ANKS1B: variants seen among roughly 807,000 people sequenced by gnomAD.
The protein encoded by ANKS1B is ankyrin repeat and sterile alpha motif domain-containing protein 1B.
In ANKS1B, 36 loss-of-function variants were observed where a neutral mutation model predicts 148.3. The observed-to-expected ratio is 0.24, with a 90% CI of 0.19 to 0.32. ANKS1B has a LOEUF of 0.32. Ranked by LOEUF, ANKS1B falls within the 10% of genes least tolerant of loss-of-function variation. The pLI, the probability that ANKS1B is intolerant of heterozygous loss-of-function variation, is 1.00. For synonymous variants in ANKS1B, 542 were observed against 560.8 expected (o/e 0.97, Z 0.47); for missense variants, 1,157 against 1,542.6 (o/e 0.75, Z 4.19).
At chr12:99,410,039 A>G (rs2094640713) in intron 11 of ANKS1B, among the ~76,000 whole-genome samples, 1 of 152,264 alleles carries the variant, frequency 6.6e-6, no homozygotes, top group South Asian at 2.1e-4. Flanking sequence ...AGCAGGAGTC[A>G]GCAAACTACA....
intron 13 of ANKS1B, among the ~76,000 whole-genome samples, chr12:99,244,931 T>C (rs2090008971): frequency 6.6e-6 from 1 of 152,200 alleles, no homozygotes; most frequent in Non-Finnish European, 1.5e-5. Context: ...CTCAGCTCAC[T>C]GCAACCTCCG....
At chr12:99,616,737 A>C (rs1293215487) in intron 9 of ANKS1B, among the ~76,000 whole-genome samples, 1 of 152,208 alleles carries the variant, frequency 6.6e-6, no homozygotes, top group African/African-American at 2.4e-5. Context: ...ATGGGCAAAG[A>C]CTTCATGACT....
intron 12 of ANKS1B, among the ~76,000 whole-genome samples, chr12:99,395,622 T>C (rs923241761): frequency 5.3e-5 from 8 of 152,190 alleles, no homozygotes; most frequent in Non-Finnish European, 1.2e-4. Flanking sequence ...ATATTAATAC[T>C]AGAGTGAACT....
At chr12:99,931,585 A>C (rs2094616806) in intron 1 of ANKS1B, among the ~76,000 whole-genome samples, 1 of 152,182 alleles carries the variant, frequency 6.6e-6, no homozygotes, top group African/African-American at 2.4e-5. Context: ...TGTGTCTATC[A>C]AAATAAAATT....
intron 22 of ANKS1B, among the ~76,000 whole-genome samples, chr12:98,790,208 T>C (rs1375550445): frequency 2.6e-5 from 4 of 152,202 alleles, no homozygotes; most frequent in Non-Finnish European, 5.9e-5. Flanking sequence ...TGTAGCCATC[T>C]TGAGCTTATG....
rs554725577 is a variant in ANKS1B at position 99,759,576 on chromosome 12, T to C, written c.1128+13346A>G. Among the ~76,000 whole-genome samples, 5 of 152,056 alleles carry C rather than the reference T, an allele frequency of 3.3e-5. No homozygotes were observed. In the South Asian group the frequency reaches 6.2e-4, roughly 19 times the overall value. On this transcript the variant is annotated intron_variant, in intron 8 of 26. Coordinates refer to ENST00000683438, the MANE Select transcript of ANKS1B (RefSeq NM_001352186.2). Reference sequence around the variant, plus strand: ...AAGTGATTATTGCAACTGCCATGTCTCTTTAAGCTCAGGCTCTCGCCTGAT... The same window carrying C: ...AAGTGATTATTGCAACTGCCATGTCCCTTTAAGCTCAGGCTCTCGCCTGAT...
intron 12 of ANKS1B, among the ~76,000 whole-genome samples, chr12:99,299,442 C>T (rs565177769): frequency 1.3e-5 from 2 of 152,294 alleles, no homozygotes; most frequent in Non-Finnish European, 2.9e-5. Flanking sequence ...TAAAGGCATA[C>T]TTTTCATAGC....
intron 10 of ANKS1B, among the ~76,000 whole-genome samples, chr12:99,486,344 T>C (rs985280141): frequency 6.6e-6 from 1 of 152,122 alleles, no homozygotes; most frequent in Non-Finnish European, 1.5e-5. Context: ...GGCTTTCTCA[T>C]ATGCTGGTTA....
intron 14 of ANKS1B, among the ~76,000 whole-genome samples, chr12:99,231,856 G>A (rs1423332332): frequency 6.6e-6 from 1 of 152,028 alleles, no homozygotes; most frequent in East Asian, 1.9e-4. Flanking sequence ...CTTAGAAAGA[G>A]GCTCTTTTAG....
At chr12:98,972,509 G>A (rs1336664812) in intron 17 of ANKS1B, among the ~76,000 whole-genome samples, 3 of 152,166 alleles carry the variant, frequency 2.0e-5, no homozygotes, top group African/African-American at 7.2e-5. Flanking sequence ...CAAAGATTCA[G>A]AGAAGTCACC....
intron 17 of ANKS1B, among the ~76,000 whole-genome samples, chr12:98,943,346 C>T (rs995932876): frequency 6.6e-6 from 1 of 152,194 alleles, no homozygotes; most frequent in Non-Finnish European, 1.5e-5. Context: ...ACTGTATTAA[C>T]TTTCTATGGC....
intron 17 of ANKS1B, among the ~76,000 whole-genome samples, chr12:98,951,693 G>A (rs2099854351): frequency 6.6e-6 from 1 of 152,070 alleles, no homozygotes; most frequent in African/African-American, 2.4e-5. Flanking sequence ...GGCCTACAGG[G>A]GATGCCCTCC....
chr12:99,536,044 G>T (rs1436187688), intron 9 of ANKS1B, among the ~76,000 whole-genome samples: 1 of 152,124 alleles, frequency 6.6e-6, no homozygotes, highest in Non-Finnish European at 1.5e-5. Context: ...CACTCACAGA[G>T]AATTCATATT....
intron 14 of ANKS1B, among the ~76,000 whole-genome samples, chr12:99,195,169 A>C (rs536327562): frequency 6.6e-6 from 1 of 152,232 alleles, no homozygotes; most frequent in South Asian, 2.1e-4. Flanking sequence ...AATATATTAG[A>C]TGGTGGAATC....
At position 99,970,626 on chromosome 12, in the gene ANKS1B, C is replaced by G. The variant is rs969656595; in HGVS notation, c.134+13478G>C. Among the ~76,000 whole-genome samples the G allele has an allele frequency of 4.6e-5, 7 of 152,158 alleles. No individual in the cohort carries two copies. The East Asian group carries it at 9.7e-4, about 21-fold the overall frequency. ...GGTCCTTCTATCTCCAGACTTAGCT[C>G]TTGTCCATGCTCCATATCAAACTAC... On this transcript the variant is annotated intron_variant, in intron 1 of 26. Coordinates refer to ENST00000683438, the MANE Select transcript of ANKS1B (RefSeq NM_001352186.2).
chr12:99,355,781 C>T (rs900868991), intron 12 of ANKS1B, among the ~76,000 whole-genome samples: 1 of 152,062 alleles, frequency 6.6e-6, no homozygotes, highest in Non-Finnish European at 1.5e-5. Context: ...ACACCATGTA[C>T]CTGTCCATTT....
At chr12:99,044,041 T>C (rs1015110878) in intron 17 of ANKS1B, among the ~76,000 whole-genome samples, 5 of 152,234 alleles carry the variant, frequency 3.3e-5, no homozygotes, top group African/African-American at 1.2e-4. Flanking sequence ...TCCACTACAG[T>C]GGCATGAACA....
chr12:99,804,946 AC>A (rs1308601718), intron 4 of ANKS1B, among the ~76,000 whole-genome samples: 2 of 152,076 alleles, frequency 1.3e-5, no homozygotes, highest in African/African-American at 4.8e-5. Context: ...CTCACCTATC[AC>A]CCTAGACAAC....
At chr12:99,712,287 T>C (rs550701002) in intron 8 of ANKS1B, among the ~76,000 whole-genome samples, 30 of 152,314 alleles carry the variant, frequency 2.0e-4, no homozygotes, top group African/African-American at 7.2e-4. Context: ...TATGATAGGC[T>C]GAATAATAGC....
Sources: gnomAD v4.1 joint callset for allele counts (sites outside exome capture counted in the v4.1 genomes callset) on GRCh38, gnomAD v4.1.1 for gene constraint, MANE v1.5 for transcripts, NCBI Gene and HGNC (gene_info 2026-07-23, HGNC 2026-07-21) for gene names.